Variants in CNTN1 observed in about 807,000 individuals in gnomAD.
CNTN1 encodes the protein contactin-1.
CNTN1 carries 38 observed loss-of-function variants against 126.4 expected under a neutral mutation model. The ratio of observed to expected loss-of-function variants is 0.30; its 90% CI spans 0.23 to 0.39. The LOEUF is 0.39. Among genes scored for constraint, CNTN1 ranks in the 10% least tolerant of loss-of-function variants. The pLI is 1.00. For missense variants in CNTN1, 1,009 were observed against 1,248.4 expected (o/e 0.81, Z 2.89); for synonymous variants, 413 against 422.6 (o/e 0.98, Z 0.28).
intron 22 of CNTN1, 92 bp from the exon 23 acceptor site, chr12:41,028,971 A>G: frequency 2.5e-6 from 3 of 1,221,338 alleles, no homozygotes; most frequent in Non-Finnish European, 3.6e-6. Context: ...TTTGTTAATC[A>G]AAGTATAAGC....
chr12:40,867,127 C>T (rs537625645), intron 1 of CNTN1, among the ~76,000 whole-genome samples: 4 of 152,286 alleles, frequency 2.6e-5, no homozygotes, highest in South Asian at 2.1e-4. Context: ...CTCTTTTCCA[C>T]ATTTAATGTA....
intron 6 of CNTN1, among the ~76,000 whole-genome samples, chr12:40,925,589 A>ATGTATATATATATACG (rs1945630197): frequency 1.5e-5 from 2 of 132,902 alleles, no homozygotes; most frequent in African/African-American, 3.0e-5. Flanking sequence ...GTATATATAC[A>ATGTATATATATATACG]TGTATATATA....
chr12:41,029,082 G>A lies in CNTN1; in HGVS notation c.2843G>A (p.Gly948Asp). The A allele has an allele frequency of 1.2e-6, 2 of 1,613,900 alleles. No individual in the cohort carries two copies. The highest frequency in any genetic ancestry group is 1.7e-6 in the Non-Finnish European group (2 of 1,179,912). Residue 948 changes from glycine to aspartate, a missense_variant, in exon 23 of 24, where the codon GGC becomes GAC. Physicochemically the swap from Gly to Asp is moderately conservative, Grantham distance 94. Transcript: ENST00000551295. The stretch of plus-strand genomic sequence containing the variant: ...TATAAGGTACTCTACAGACCTGATG[G>A]CCAGCATGATGGCAAGCTGTATTCA... ...TGYKVLYRPD[G>D]QHDGKLYSTH...
chr12:40,831,709 A>G (rs1941846978), intron 1 of CNTN1, among the ~76,000 whole-genome samples: 1 of 152,024 alleles, frequency 6.6e-6, no homozygotes, highest in African/African-American at 2.4e-5. Context: ...TTGTTCATCA[A>G]TCTCTTTCTT....
At chr12:41,037,572 CT>C (rs1471172961) in intron 23 of CNTN1, among the ~76,000 whole-genome samples, 1 of 151,770 alleles carries the variant, frequency 6.6e-6, no homozygotes, top group Non-Finnish European at 1.5e-5. Flanking sequence ...GAAGACATTC[CT>C]GTCATTAAGC....
intron 19 of CNTN1, 97 bp from the exon 20 acceptor site, chr12:41,020,240 A>G: frequency 1.4e-6 from 1 of 718,812 alleles, no homozygotes; most frequent in Non-Finnish European, 2.4e-6. Context: ...TTAAAATTAA[A>G]GTATGGTCCA....
chr12:41,036,303 G>A (rs1045507271), intron 23 of CNTN1, among the ~76,000 whole-genome samples: 1 of 152,074 alleles, frequency 6.6e-6, no homozygotes, highest in African/African-American at 2.4e-5. Context: ...TTTACCCCAG[G>A]GAGATGCAGG....
At chr12:40,715,109 G>T (rs1180090756) in intron 1 of CNTN1, among the ~76,000 whole-genome samples, 2 of 152,118 alleles carry the variant, frequency 1.3e-5, no homozygotes, top group African/African-American at 2.4e-5. Context: ...GCCCATGATT[G>T]TTAAGCATAA....
At chr12:40,760,259 T>C (rs1403880148) in intron 1 of CNTN1, among the ~76,000 whole-genome samples, 1 of 152,222 alleles carries the variant, frequency 6.6e-6, no homozygotes, top group Non-Finnish European at 1.5e-5. Context: ...TTAAGGTTTC[T>C]GAATTTTTAA....
At chr12:41,043,773 G>A (rs960409645) in intron 23 of CNTN1, among the ~76,000 whole-genome samples, 2 of 151,418 alleles carry the variant, frequency 1.3e-5, no homozygotes, top group Admixed American at 1.3e-4. Context: ...TGATAGACTG[G>A]ATTAAGAAAA....
chr12:40,853,213 A>G (rs1483762666), intron 1 of CNTN1, among the ~76,000 whole-genome samples: 2 of 152,116 alleles, frequency 1.3e-5, no homozygotes, highest in Non-Finnish European at 2.9e-5. Context: ...TCAAGGTTGA[A>G]AAAAAATTGA....
At chr12:40,924,879 A>AATATATATATATATATATATATATAT (rs1297006824) in intron 6 of CNTN1, among the ~76,000 whole-genome samples, 3 of 54,304 alleles carry the variant, frequency 5.5e-5, no homozygotes, top group South Asian at 5.0e-4. Context: ...TTAGTTTATA[A>AATATATATATATATATATATATATAT]ACATATATAT....
In CNTN1 at chr12:40,922,334, C is replaced by G. The variant is rs748572211; in HGVS notation, c.306C>G (p.Asn102Lys). 4 of 1,613,936 alleles carry G rather than the reference C, an allele frequency of 2.5e-6. No individual in the cohort carries two copies. The South Asian group carries it at 4.4e-5, about 18-fold the overall frequency. Reference sequence around the variant, plus strand: ...TAGGAGGAAACCTTGTTATCAACAACCCTGACAAACAGAAAGATGCTGGAA... The same window carrying G: ...TAGGAGGAAACCTTGTTATCAACAAGCCTGACAAACAGAAAGATGCTGGAA... Reference protein sequence around the residue: ...SMVGGNLVINNPDKQKDAGIY... With the variant: ...SMVGGNLVINKPDKQKDAGIY... The change falls in exon 5 of 24, where the codon AAC becomes AAG. Residue 102 changes from asparagine (N) to lysine (K), a missense_variant. By Grantham distance (94) the Asn-to-Lys change is moderately conservative (BLOSUM62 0). Transcript: ENST00000551295.
At chr12:41,051,725 T>C (rs1949687468) in intron 23 of CNTN1, among the ~76,000 whole-genome samples, 1 of 152,062 alleles carries the variant, frequency 6.6e-6, no homozygotes, top group Non-Finnish European at 1.5e-5. Flanking sequence ...TAAATAAATA[T>C]TTAATGTCTA....
intron 1 of CNTN1, among the ~76,000 whole-genome samples, chr12:40,801,549 A>C (rs1940653865): frequency 6.6e-6 from 1 of 151,934 alleles, no homozygotes; most frequent in South Asian, 2.1e-4. Context: ...ACAACCTCAA[A>C]TATGAGACTG....
At chr12:40,918,153 C>T (rs927956796) in intron 3 of CNTN1, among the ~76,000 whole-genome samples, 7 of 152,034 alleles carry the variant, frequency 4.6e-5, no homozygotes, top group African/African-American at 1.7e-4. Context: ...AAAGTTGTAC[C>T]AAGAATCATA....
At position 40,944,059 on chromosome 12, in the gene CNTN1, G is replaced by A. The variant is rs1212478742; in HGVS notation, c.1572G>A (p.Met524Ile). The A allele has an allele frequency of 4.3e-6, 7 of 1,613,518 alleles. No individual in the cohort carries two copies. The South Asian group carries it at 6.6e-5, about 15-fold the overall frequency. The change falls in exon 14 of 24, where the codon ATG (methionine) becomes ATA (isoleucine). Residue 524 changes from methionine (M) to isoleucine (I), a missense_variant. Met to Ile is a conservative substitution (Grantham distance 10). Transcript: ENST00000551295. ...ADITVGENAT[M>I]QCAASFDPAL... ...TCACAGTTGGAGAAAACGCCACCAT[G>A]CAGTGTGCTGCGTCCTTTGATCCTG...
intron 1 of CNTN1, among the ~76,000 whole-genome samples, chr12:40,786,756 C>T (rs1940037059): frequency 6.6e-6 from 1 of 152,112 alleles, no homozygotes; most frequent in Non-Finnish European, 1.5e-5. Context: ...GGCAATTGGA[C>T]TGATAACTTC....
chr12:40,929,858 C>T lies in CNTN1; in HGVS notation c.559C>T (p.Arg187Ter). Residue 187 changes from arginine to a stop codon, truncating the protein, a stop_gained, in exon 7 of 24, where the codon CGA (arginine) becomes TGA (stop). Coordinates refer to ENST00000551295, the MANE Select transcript of CNTN1 (RefSeq NM_001843.4). LOFTEE classifies it high-confidence loss of function. ...TGTATTTATCACAATGGATAAACGG[C>T]GATTTGTGTCTCAGACAAATGGCAA... ...FPVFITMDKR[R>*]FVSQTNGNLY... The T allele has an allele frequency of 6.2e-7, 1 of 1,612,628 alleles. No individual in the cohort carries two copies. The highest frequency in any genetic ancestry group is 8.5e-7 in the Non-Finnish European group (1 of 1,179,004).
Sources: allele counts gnomAD v4.1 joint callset (sites outside exome capture counted in the v4.1 genomes callset), GRCh38; gene constraint gnomAD v4.1.1; transcripts MANE v1.5; gene names NCBI Gene and HGNC (gene_info 2026-07-23, HGNC 2026-07-21).